Variants in SRCIN1 observed in about 807,000 individuals in gnomAD.
SRCIN1 encodes the protein SRC kinase signaling inhibitor 1.
Under a neutral mutation model 116.2 loss-of-function variants are expected in SRCIN1, and 50 were observed. The ratio of observed to expected loss-of-function variants is 0.43; its 90% CI spans 0.34 to 0.54. The LOEUF (loss-of-function observed/expected upper bound fraction) is 0.54, where lower values mean the gene tolerates loss of function less well. SRCIN1 is among the 20% of genes least tolerant of loss of function. SRCIN1 has a pLI of 0.02. For synonymous variants in SRCIN1, 736 were observed against 750.0 expected (o/e 0.98, Z 0.30); for missense variants, 1,446 against 1,672.0 (o/e 0.86, Z 2.36).
chr17:38,563,182 CG>C lies in SRCIN1; in HGVS notation c.740+140del, dbSNP rs1458397422. 1 of 895,216 alleles carries C rather than the reference CG, an allele frequency of 1.1e-6. No homozygotes were observed. Among genetic ancestry groups the C allele is most frequent in the African/African-American group, 1.8e-5 (1 of 56,822 alleles). 55.5% of individuals were successfully genotyped at this position (895,216 alleles called of 1,614,324 possible). On this transcript the variant is annotated intron_variant, in intron 5 of 18. Transcript: ENST00000617146. The surrounding 1 kb of genome is among the most constrained non-coding windows in gnomAD (Gnocchi z 5.8). Reference sequence around the variant, plus strand: ...GGGCTGAGATGGCCGAGGAAGGGGGCGGGGCGGTAGGGCTCTGGGAGGGGAG... The same window carrying C: ...GGGCTGAGATGGCCGAGGAAGGGGGCGGGCGGTAGGGCTCTGGGAGGGGAG...
At chr17:38,588,557 C>T (rs959827289) in intron 1 of SRCIN1, among the ~76,000 whole-genome samples, 45 of 143,022 alleles carry the variant, frequency 3.1e-4, no homozygotes, top group African/African-American at 1.3e-3. Context: ...TGCCTGTCCT[C>T]AGCTCTGCCA....
chr17:38,547,379 T>A (rs911038502), intron 17 of SRCIN1, among the ~76,000 whole-genome samples: 1 of 152,110 alleles, frequency 6.6e-6, no homozygotes, highest in Admixed American at 6.5e-5. Flanking sequence ...AAAGTCATCT[T>A]GTGAGCAAGA....
At chr17:38,567,940 G>A (rs781484355) in intron 3 of SRCIN1, among the ~76,000 whole-genome samples, 14 of 152,278 alleles carry the variant, frequency 9.2e-5, no homozygotes, top group Non-Finnish European at 1.6e-4. Flanking sequence ...ATGCCCCTCA[G>A]GGGCTGGGGA....
chr17:38,563,570 G>A lies in SRCIN1; in HGVS notation c.542-49C>T. ...CTGTCACTGCTGCCGTCTCCACGCC[G>A]CCCTCCAGGAGAGCGCGGGGAGCTT... On this transcript the variant is annotated intron_variant, in intron 4 of 18. Coordinates refer to ENST00000617146, the MANE Select transcript of SRCIN1 (RefSeq NM_025248.3). This position sits in a 1 kb window ranked among gnomAD's most constrained non-coding sequence, Gnocchi z 5.8. 1 of 1,537,682 alleles carries A rather than the reference G, an allele frequency of 6.5e-7. No homozygotes were observed. The highest frequency in any genetic ancestry group is 1.2e-5 in the South Asian group (1 of 84,016).
intron 10 of SRCIN1, 195 bp downstream of exon 10, chr17:38,559,390 T>G: frequency 3.4e-6 from 2 of 595,970 alleles, no homozygotes; most frequent in Non-Finnish European, 5.7e-6. Context: ...GAAGTGGAGG[T>G]TCAGCGAGGG....
At chr17:38,554,145 AG>A (rs1269628384) in intron 11 of SRCIN1, among the ~76,000 whole-genome samples, 2 of 151,320 alleles carry the variant, frequency 1.3e-5, no homozygotes, top group Non-Finnish European at 2.9e-5. Flanking sequence ...CAGGAGGCGG[AG>A]GTTGCAGTGG....
At chr17:38,593,921 C>A (rs1423802371) in intron 1 of SRCIN1, among the ~76,000 whole-genome samples, 1 of 152,242 alleles carries the variant, frequency 6.6e-6, no homozygotes, top group Non-Finnish European at 1.5e-5. Context: ...CAAAACCCAT[C>A]CACATCTTAT....
chr17:38,603,301 T>C (rs758968245), intron 1 of SRCIN1, among the ~76,000 whole-genome samples: 69 of 151,676 alleles, frequency 4.5e-4, no homozygotes, highest in Admixed American at 1.3e-3. Context: ...TGCACATCTT[T>C]AAGACGCCTG....
chr17:38,547,518 C>T (rs1422081054), intron 17 of SRCIN1, among the ~76,000 whole-genome samples: 1 of 152,180 alleles, frequency 6.6e-6, no homozygotes, highest in African/African-American at 2.4e-5. Context: ...GGCCACCAGA[C>T]ACCCAGGCTG....
rs774665184 is a variant in SRCIN1 at position 38,533,403 on chromosome 17, C to T, written c.3446G>A (p.Gly1149Glu). 3 of 1,612,930 alleles carry T rather than the reference C, an allele frequency of 1.9e-6. No individual in the cohort carries two copies. Among genetic ancestry groups the T allele is most frequent in the Non-Finnish European group, 2.5e-6 (3 of 1,179,642 alleles). Residue 1149 changes from glycine to glutamate, a missense_variant, in exon 19 of 19, where the codon GGG becomes GAG. This residue lies in a region of SRCIN1 where 531 missense variants were observed against 633.9 expected (regional missense o/e 0.84). Coordinates refer to ENST00000617146, the MANE Select transcript of SRCIN1 (RefSeq NM_025248.3). ...QATKPSKEMS[G>E]SNETSSPVSE... ...GACTGGGCTCGAGGTCTCATTCGAC[C>T]CGCTCATCTCTTTAGATGGTTTAGT... is the stretch of plus-strand genomic sequence containing the variant.
At chr17:38,540,772 T>TGTGAGAGA (rs60254439) in intron 18 of SRCIN1, among the ~76,000 whole-genome samples, 1 of 149,210 alleles carries the variant, frequency 6.7e-6, no homozygotes, top group African/African-American at 2.5e-5. Flanking sequence ...TGTGTGTGTG[T>TGTGAGAGA]GACACACACA....
At chr17:38,547,028 C>G (rs1842486010) in intron 17 of SRCIN1, among the ~76,000 whole-genome samples, 1 of 152,222 alleles carries the variant, frequency 6.6e-6, no homozygotes, top group African/African-American at 2.4e-5. Context: ...AGGTTCACCC[C>G]CAAATTCCCA....
At position 38,561,827 on chromosome 17, in the gene SRCIN1, C is replaced by T. The variant is rs759961409; in HGVS notation, c.1336G>A (p.Asp446Asn). The change falls in exon 7 of 19, where the codon GAT becomes AAT. Residue 446 changes from aspartate to asparagine, a missense_variant. This residue lies in a region of SRCIN1 where 398 missense variants were observed against 385.6 expected (regional missense o/e 1.03). Coordinates refer to ENST00000617146, the MANE Select transcript of SRCIN1 (RefSeq NM_025248.3). Reference sequence around the variant, plus strand: ...GCCTTGTACAGGGAGTCCTCCAGATCGGACTGCAGCGCGGCGGCCGAGTAG... The same window carrying T: ...GCCTTGTACAGGGAGTCCTCCAGATTGGACTGCAGCGCGGCGGCCGAGTAG... Reference protein sequence around the residue: ...STYSAAALQSDLEDSLYKAAG... With the variant: ...STYSAAALQSNLEDSLYKAAG... 2.7e-6 allele frequency: 4 copies of T among 1,478,382 alleles called. No homozygotes were observed. The highest frequency in any genetic ancestry group is 3.6e-6 in the Non-Finnish European group (4 of 1,123,990). The allele number at this position is 1,478,382 out of a possible 1,614,324, so 91.6% of individuals were successfully genotyped here. A position where few individuals can be genotyped will look rare whatever the true frequency, so the allele number is the denominator to read the frequency against.
chr17:38,558,219 A>T lies in SRCIN1; in HGVS notation c.2201+8T>A. On this transcript the variant is annotated splice_region_variant and intron_variant, in intron 11 of 18. Transcript: ENST00000617146. This position sits in a 1 kb window ranked among gnomAD's most constrained non-coding sequence, Gnocchi z 4.6. The stretch of plus-strand genomic sequence containing the variant: ...CCACCCCTCCCTCCGCCGCGGGCCC[A>T]GCCTCACTTGAGCTGCTGGGTAATA... 6.2e-7 allele frequency: 1 copy of T among 1,608,194 alleles called. No individual in the cohort carries two copies. The highest frequency in any genetic ancestry group is 8.5e-7 in the Non-Finnish European group (1 of 1,175,976).
rs768179613 is a variant in SRCIN1, at chr17:38,552,402, C to T, written c.2480+45G>A. 2.2e-5 allele frequency: 35 copies of T among 1,568,688 alleles called. No individual in the cohort carries two copies. Among genetic ancestry groups the T allele is most frequent in the African/African-American group, 1.4e-4 (10 of 73,074 alleles). On this transcript the variant is annotated intron_variant, in intron 13 of 18. Transcript: ENST00000617146. This position sits in a 1 kb window ranked among gnomAD's most constrained non-coding sequence, Gnocchi z 5.3. The stretch of plus-strand genomic sequence containing the variant: ...TCAGTATGACCTATGGGTCTGGGCC[C>T]GGTGTGTGAACCCATGGGAAATCAG...
intron 7 of SRCIN1, 74 bp from the exon 8 acceptor site, chr17:38,560,499 G>A (rs1478364847): frequency 2.3e-5 from 30 of 1,309,426 alleles, no homozygotes; most frequent in Non-Finnish European, 3.2e-5. Context: ...CCATTCCTAA[G>A]ATTGGTAACC....
At chr17:38,592,773 A>G (rs965171146) in intron 1 of SRCIN1, among the ~76,000 whole-genome samples, 3 of 151,888 alleles carry the variant, frequency 2.0e-5, no homozygotes, top group African/African-American at 4.8e-5. Flanking sequence ...GATGAATGAG[A>G]TGATTTAGCA....
chr17:38,578,410 A>G, intron 2 of SRCIN1, 80 bp downstream of exon 2: 1 of 1,452,970 alleles, frequency 6.9e-7, no homozygotes, highest in Non-Finnish European at 9.1e-7. Flanking sequence ...GAGCCTGGGG[A>G]CACGGAGCAC....
chr17:38,564,837 C>T (rs2143218412), intron 3 of SRCIN1, among the ~76,000 whole-genome samples: 1 of 151,778 alleles, frequency 6.6e-6, no homozygotes, highest in East Asian at 1.9e-4. Context: ...GGGATGCGGA[C>T]CCTGACAGAG....
Sources: gnomAD v4.1 joint callset for allele counts (sites outside exome capture counted in the v4.1 genomes callset) on GRCh38, gnomAD v4.1.1 for gene constraint, gnomAD v4.1.1 regional missense constraint, Gnocchi (gnomAD v3.1) non-coding constraint, MANE v1.5 for transcripts, NCBI Gene and HGNC (gene_info 2026-07-23, HGNC 2026-07-21) for gene names.